PRUNE2: variants seen among roughly 807,000 people sequenced by gnomAD.
The protein encoded by PRUNE2 is prune homolog 2 with BCH domain, also known as protein prune homolog 2.
A neutral mutation model predicts 252.0 loss-of-function variants in PRUNE2; 164 were observed. The observed-to-expected ratio is 0.65, with a 90% CI of 0.57 to 0.74. PRUNE2 has a LOEUF of 0.74. Ranked by LOEUF, PRUNE2 falls within the 30% of genes least tolerant of loss-of-function variation. The pLI, the probability that PRUNE2 is intolerant of heterozygous loss-of-function variation, is 0.00. For missense variants in PRUNE2, 3,495 were observed against 3,711.0 expected (o/e 0.94, Z 1.51); for synonymous variants, 1,292 against 1,350.2 (o/e 0.96, Z 0.94).
chr9:76,811,132 T>C (rs2057330825), intron 6 of PRUNE2, among the ~76,000 whole-genome samples: 1 of 152,156 alleles, frequency 6.6e-6, no homozygotes, highest in Non-Finnish European at 1.5e-5. Context: ...TTCCTAAAAA[T>C]GTAATTAGCC....
chr9:76,905,611 A>C (rs1589869587), intron 1 of PRUNE2, among the ~76,000 whole-genome samples: 1 of 152,286 alleles, frequency 6.6e-6, no homozygotes, highest in Non-Finnish European at 1.5e-5. Flanking sequence ...AAGGAAGACC[A>C]CACCCATTTA....
intron 6 of PRUNE2, among the ~76,000 whole-genome samples, chr9:76,716,306 G>A (rs1325005501): frequency 6.6e-6 from 1 of 152,236 alleles, no homozygotes; most frequent in Non-Finnish European, 1.5e-5. Flanking sequence ...CAGGCATCTT[G>A]TTGGAAATGC....
At chr9:76,688,533 T>C (rs767882548) in intron 9 of PRUNE2, among the ~76,000 whole-genome samples, 12 of 151,896 alleles carry the variant, frequency 7.9e-5, no homozygotes, top group Non-Finnish European at 1.8e-4. Context: ...CCCCAGTAGG[T>C]TCTCATCTTC....
At chr9:76,843,601 G>A (rs1026018360) in intron 4 of PRUNE2, among the ~76,000 whole-genome samples, 2 of 152,064 alleles carry the variant, frequency 1.3e-5, no homozygotes, top group Non-Finnish European at 2.9e-5. Flanking sequence ...TGAAAATAAT[G>A]CTAAAGTTAT....
At chr9:76,686,636 T>C (rs2044126531) in intron 9 of PRUNE2, among the ~76,000 whole-genome samples, 1 of 152,046 alleles carries the variant, frequency 6.6e-6, no homozygotes, top group African/African-American at 2.4e-5. Flanking sequence ...AAAAAATTTT[T>C]GGTAGAGTCA....
In PRUNE2 at chr9:76,685,899, C is replaced by T. The variant is rs149252035; in HGVS notation, c.8276+17438G>A. ...CATTCATCTTCTCTGCTAGAAAGCC[C>T]TTCTATGGCTGCCTGACAGATCTCC... On this transcript the variant is annotated intron_variant, in intron 9 of 18. Transcript: ENST00000376718. Among the ~76,000 whole-genome samples, 26 of 152,270 alleles carry T rather than the reference C, an allele frequency of 1.7e-4. No individual in the cohort carries two copies. In the East Asian group the frequency reaches 4.4e-3, roughly 26 times the overall value.
chr9:76,879,897 A>T (rs868769270), intron 1 of PRUNE2, among the ~76,000 whole-genome samples: 10 of 81,442 alleles, frequency 1.2e-4, no homozygotes, highest in African/African-American at 5.8e-4. Flanking sequence ...ATATATATAT[A>T]TATATATTTT....
chr9:76,649,643 T>TAGAA (rs1554796046), intron 11 of PRUNE2, among the ~76,000 whole-genome samples: 241 of 150,750 alleles, frequency 1.6e-3, no homozygotes, highest in African/African-American at 5.8e-3. Context: ...GATAGATAGA[T>TAGAA]AGAATAGGCT....
chr9:76,711,628 A>G (rs777983146), intron 7 of PRUNE2, among the ~76,000 whole-genome samples: 51 of 152,166 alleles, frequency 3.4e-4, no homozygotes, highest in Non-Finnish European at 4.7e-4. Flanking sequence ...TAAACCACCT[A>G]TTCTTTCCTA....
At chr9:76,870,182 C>T (rs116474840) in intron 1 of PRUNE2, among the ~76,000 whole-genome samples, 2,090 of 151,876 alleles carry the variant, frequency 0.014, 48 homozygotes, top group African/African-American at 0.048. Context: ...AAAAATGCAT[C>T]GGATCACCCA....
At chr9:76,854,975 G>A (rs532296601) in intron 1 of PRUNE2, among the ~76,000 whole-genome samples, 200 of 148,806 alleles carry the variant, frequency 1.3e-3, no homozygotes, top group African/African-American at 4.8e-3. Context: ...CTGAGGTAGA[G>A]GAATCACTTA....
intron 6 of PRUNE2, among the ~76,000 whole-genome samples, chr9:76,734,622 A>G (rs2135466974): frequency 6.6e-6 from 1 of 152,228 alleles, no homozygotes; most frequent in East Asian, 1.9e-4. Flanking sequence ...TAAAATAAAA[A>G]TGAGTTCAGA....
chr9:76,611,998 T>C lies in PRUNE2; in HGVS notation c.*2572A>G, dbSNP rs1172209306. The C allele has an allele frequency of 6.6e-6, 1 of 152,634 alleles. No homozygotes were observed. Among genetic ancestry groups the C allele is most frequent in the Admixed American group, 6.5e-5 (1 of 15,278 alleles). The allele number at this position is 152,634 out of a possible 1,614,324, so 9.5% of individuals were successfully genotyped here. On this transcript the variant is annotated 3_prime_UTR_variant, in exon 19 of 19. Coordinates refer to ENST00000376718, the MANE Select transcript of PRUNE2 (RefSeq NM_015225.3). ...GTGCAAGAGCTAGAGAGCTAAATCA[T>C]GTGAATGTTTACCTCTGTCTACCTA...
chr9:76,855,082 A>AAT (rs1162386020), intron 1 of PRUNE2, among the ~76,000 whole-genome samples: 13,927 of 108,370 alleles, frequency 0.13, 1,372 homozygotes, highest in Non-Finnish European at 0.15. Context: ...AAAAAAAAAA[A>AAT]ATATATATAT....
chr9:76,901,890 T>C (rs1042840885), intron 1 of PRUNE2, among the ~76,000 whole-genome samples: 1 of 152,226 alleles, frequency 6.6e-6, no homozygotes. Context: ...ACAGCATTCC[T>C]GGGACACTGA....
At chr9:76,817,724 G>C (rs1421476775) in intron 6 of PRUNE2, 1 of 152,246 alleles carries the variant, frequency 6.6e-6, no homozygotes, top group African/African-American at 2.4e-5. Flanking sequence ...CTGAGTCACT[G>C]AGACTTGTTT....
intron 1 of PRUNE2, among the ~76,000 whole-genome samples, chr9:76,863,572 T>C (rs2060670667): frequency 6.6e-6 from 1 of 152,246 alleles, no homozygotes; most frequent in Non-Finnish European, 1.5e-5. Context: ...GAACAACTTG[T>C]TCAATAAAGT....
At chr9:76,840,433 C>G (rs1265905137) in intron 4 of PRUNE2, among the ~76,000 whole-genome samples, 1 of 152,042 alleles carries the variant, frequency 6.6e-6, no homozygotes, top group Non-Finnish European at 1.5e-5. Context: ...GATACAGCCA[C>G]GGGGATGAAA....
chr9:76,757,375 A>G (rs887805672), intron 6 of PRUNE2, among the ~76,000 whole-genome samples: 2 of 152,224 alleles, frequency 1.3e-5, no homozygotes, highest in East Asian at 3.8e-4. Context: ...AAACTCAAAG[A>G]GAAGCTTTTT....
Sources: gnomAD v4.1 joint callset for allele counts (sites outside exome capture counted in the v4.1 genomes callset) on GRCh38, gnomAD v4.1.1 for gene constraint, MANE v1.5 for transcripts, NCBI Gene and HGNC (gene_info 2026-07-23, HGNC 2026-07-21) for gene names.